Variants in PCDHA7 observed in about 807,000 individuals in gnomAD.
The protein encoded by PCDHA7 is protocadherin alpha 7.
PCDHA7 carries 37 observed loss-of-function variants against 57.2 expected under a neutral mutation model. The observed-to-expected ratio is 0.65, with a 90% CI of 0.50 to 0.85. The LOEUF (loss-of-function observed/expected upper bound fraction) is 0.85, where lower values mean the gene tolerates loss of function less well. Among genes scored for constraint, PCDHA7 ranks in the 40% least tolerant of loss-of-function variants. The pLI is 0.00. For missense variants in PCDHA7, 1,188 were observed against 1,241.8 expected, an observed-to-expected ratio of 0.96 and a Z score of 0.65; for synonymous variants, 553 against 558.8, an observed-to-expected ratio of 0.99 and a Z score of 0.15.
intron 1 of PCDHA7, chr5:140,929,069 G>A (rs1554206647): frequency 1.2e-6 from 2 of 1,614,192 alleles, no homozygotes; most frequent in Non-Finnish European, 8.5e-7. Context: ...GAGGATCTGA[G>A]GTATGGAAGT....
At chr5:140,853,588 A>G in intron 1 of PCDHA7, 1 of 986,058 alleles carries the variant, frequency 1.0e-6, no homozygotes, top group Non-Finnish European at 1.2e-6. Context: ...TATCTTAGAC[A>G]CTTTGAGAGC....
At chr5:140,895,784 T>C (rs2065158516) in intron 1 of PCDHA7, among the ~76,000 whole-genome samples, 1 of 152,166 alleles carries the variant, frequency 6.6e-6, no homozygotes, top group Non-Finnish European at 1.5e-5. Flanking sequence ...TAGTATTCAA[T>C]GACGTATATG....
chr5:140,836,263 A>T lies in PCDHA7; in HGVS notation c.1880A>T (p.Tyr627Phe). Residue 627 changes from tyrosine to phenylalanine, a missense_variant, in exon 1 of 4, where the codon TAC becomes TTC. Physicochemically the swap from Tyr to Phe is conservative, Grantham distance 22. Transcript: ENST00000525929. ...AGCATCCCGTTCCGCGTGGGGCTGTACACTGGTGAGATCAGCACGACACGA... is the reference window on the plus strand; with the variant it reads ...AGCATCCCGTTCCGCGTGGGGCTGTTCACTGGTGAGATCAGCACGACACGA... ...GASIPFRVGL[Y>F]TGEISTTRAL... The T allele has an allele frequency of 1.9e-6, 3 of 1,613,768 alleles. No homozygotes were observed. The highest frequency in any genetic ancestry group is 2.5e-6 in the Non-Finnish European group (3 of 1,179,806).
rs150822529 is a variant in PCDHA7 at position 140,836,094 on chromosome 5, G to A, written c.1711G>A (p.Gly571Ser). 2.0e-4 allele frequency: 328 copies of A among 1,613,708 alleles called. No individual in the cohort carries two copies. Among genetic ancestry groups the A allele is most frequent in the Admixed American group, 3.7e-4 (22 of 60,012 alleles). ...NAPALLAPRV[G>S]GTGGAVRELV... ...GCCGGCACTGCTGGCGCCTCGGGTG[G>A]GTGGCACTGGTGGCGCAGTGAGAGA... Residue 571 changes from glycine to serine, a missense_variant, in exon 1 of 4, where the codon GGT becomes AGT. Gly to Ser is a moderately conservative substitution (Grantham distance 56). Around this residue, in one of 3 missense-constraint regions of PCDHA7, gnomAD observed 892 missense variants for 788.5 expected, o/e 1.13. Transcript: ENST00000525929.
At chr5:140,880,694 A>C (rs1254061280) in intron 1 of PCDHA7, among the ~76,000 whole-genome samples, 1 of 152,228 alleles carries the variant, frequency 6.6e-6, no homozygotes, top group Non-Finnish European at 1.5e-5. Context: ...AGTCATGGTT[A>C]AGTGACAATG....
intron 1 of PCDHA7, chr5:140,884,515 G>T: frequency 6.2e-6 from 10 of 1,614,176 alleles, no homozygotes; most frequent in South Asian, 1.1e-5. Context: ...GGAGTTGGTC[G>T]TACTCGCAGC....
At chr5:140,992,017 CTGTGTGTGTGTGTG>C (rs10602499) in intron 3 of PCDHA7, among the ~76,000 whole-genome samples, 7 of 145,626 alleles carry the variant, frequency 4.8e-5, no homozygotes, top group East Asian at 2.0e-4. Context: ...AGAGGTGGCT[CTGTGTGTGTGTGTG>C]TGTGTGTGTG....
chr5:140,985,021 T>A (rs2097132867), intron 3 of PCDHA7, among the ~76,000 whole-genome samples: 1 of 151,956 alleles, frequency 6.6e-6, no homozygotes, highest in African/African-American at 2.4e-5. Flanking sequence ...CACAGCAACC[T>A]CTGCCTCCTG....
intron 1 of PCDHA7, chr5:140,841,953 T>A: frequency 6.2e-7 from 1 of 1,613,834 alleles, no homozygotes; most frequent in Non-Finnish European, 8.5e-7. Flanking sequence ...CACCACTTAT[T>A]CCTGACAGCC....
chr5:140,901,307 T>A (rs544600785), intron 1 of PCDHA7, among the ~76,000 whole-genome samples: 1 of 152,264 alleles, frequency 6.6e-6, no homozygotes, highest in East Asian at 1.9e-4. Context: ...TTCCGGAGAG[T>A]TTCCCCAATG....
chr5:140,862,612 A>G, intron 1 of PCDHA7: 1 of 522,286 alleles, frequency 1.9e-6, no homozygotes, highest in Admixed American at 2.0e-5. Context: ...CGTGAAAGGT[A>G]ACAACCCGCG....
At chr5:140,986,618 C>T (rs782259734) in intron 3 of PCDHA7, among the ~76,000 whole-genome samples, 2 of 152,134 alleles carry the variant, frequency 1.3e-5, no homozygotes, top group African/African-American at 2.4e-5. Flanking sequence ...TCAGGCCTTA[C>T]CTAAGGCAAC....
At chr5:140,892,480 CA>C (rs1484176083) in intron 1 of PCDHA7, among the ~76,000 whole-genome samples, 14 of 152,110 alleles carry the variant, frequency 9.2e-5, no homozygotes, top group Non-Finnish European at 1.8e-4. Context: ...GTTTCCTAGC[CA>C]AACATGAGAG....
Position 140,927,842 on chromosome 5 carries a change from T to C in PCDHA7, c.2356-51107T>C, listed in dbSNP as rs201721848. 1.9e-6 allele frequency: 3 copies of C among 1,614,140 alleles called. No individual in the cohort carries two copies. The African/African-American group carries it at 4.0e-5, about 22-fold the overall frequency. On this transcript the variant is annotated intron_variant, in intron 1 of 3. Transcript: ENST00000525929. ...TACATTGAGGCGAGGGACGAAGGTG[T>C]CTTTGGTTTAGCTAGCACCGCTAAA... is the stretch of plus-strand genomic sequence containing the variant.
At chr5:140,953,810 C>T (rs918101590) in intron 1 of PCDHA7, among the ~76,000 whole-genome samples, 5 of 152,190 alleles carry the variant, frequency 3.3e-5, no homozygotes, top group South Asian at 2.1e-4. Context: ...TTCTGAGGTG[C>T]ATGTGCTAGT....
chr5:140,887,323 C>T (rs1209011082), intron 1 of PCDHA7, among the ~76,000 whole-genome samples: 5 of 152,084 alleles, frequency 3.3e-5, no homozygotes, highest in African/African-American at 1.2e-4. Context: ...GTCTCGAACT[C>T]CTGACCTCGT....
At chr5:140,866,412 A>C (rs1308561363) in intron 1 of PCDHA7, 1 of 152,116 alleles carries the variant, frequency 6.6e-6, no homozygotes, top group Non-Finnish European at 1.5e-5. Context: ...AAAATCTTCA[A>C]ATGTGTGTAG....
chr5:140,881,121 C>G (rs1456322924), intron 1 of PCDHA7, among the ~76,000 whole-genome samples: 4 of 152,122 alleles, frequency 2.6e-5, no homozygotes, highest in Non-Finnish European at 4.4e-5. Flanking sequence ...GATTTTGTGG[C>G]TTGGTAGAGA....
intron 1 of PCDHA7, chr5:140,927,596 G>A (rs374002981): frequency 2.5e-6 from 4 of 1,614,044 alleles, no homozygotes; most frequent in African/African-American, 2.7e-5. Context: ...GTATTTGAGC[G>A]CTCCGTATAC....
Sources: allele counts gnomAD v4.1 joint callset (sites outside exome capture counted in the v4.1 genomes callset), GRCh38; gene constraint gnomAD v4.1.1; regional missense constraint gnomAD v4.1.1; transcripts MANE v1.5; gene names NCBI Gene and HGNC (gene_info 2026-07-23, HGNC 2026-07-21).